Variants in IPCEF1 observed in about 807,000 individuals in gnomAD.
The protein encoded by IPCEF1 is interactor protein for cytohesin exchange factors 1.
A neutral mutation model predicts 50.9 loss-of-function variants in IPCEF1; 31 were observed. That is an observed-to-expected ratio of 0.61 (90% confidence interval 0.46 to 0.82). The LOEUF is 0.82. IPCEF1 is among the 40% of genes least tolerant of loss of function. The probability of loss-of-function intolerance (pLI) is 0.00; values close to 1 mark genes in which losing one functional copy is unlikely to be tolerated. For synonymous variants in IPCEF1, 181 were observed against 192.0 expected, an observed-to-expected ratio of 0.94 and a Z score of 0.47; for missense variants, 458 against 514.0, an observed-to-expected ratio of 0.89 and a Z score of 1.05.
At chr6:154,254,711 T>C (rs1045075165) in intron 3 of IPCEF1, among the ~76,000 whole-genome samples, 1 of 152,252 alleles carries the variant, frequency 6.6e-6, no homozygotes, top group African/African-American at 2.4e-5. Flanking sequence ...TCCATCCTTT[T>C]ATTTTCAAAC....
intron 10 of IPCEF1, among the ~76,000 whole-genome samples, chr6:154,183,585 T>C (rs544368073): frequency 5.1e-4 from 78 of 152,308 alleles, no homozygotes; most frequent in African/African-American, 1.7e-3. Flanking sequence ...ATGTTCTAAC[T>C]ACCATACTGA....
chr6:154,335,528 A>G (rs1207753120), intron 1 of IPCEF1, among the ~76,000 whole-genome samples: 2 of 152,158 alleles, frequency 1.3e-5, no homozygotes, highest in Non-Finnish European at 2.9e-5. Flanking sequence ...AAAACAAACA[A>G]CAGAGTGAAG....
chr6:154,296,976 TA>T (rs1424843829), intron 1 of IPCEF1, among the ~76,000 whole-genome samples: 1 of 152,140 alleles, frequency 6.6e-6, no homozygotes, highest in Non-Finnish European at 1.5e-5. Context: ...AAATGTGCGA[TA>T]TAAGATGACG....
At position 154,157,357 on chromosome 6, in the gene IPCEF1, AT is replaced by A. The variant is rs1394179900; in HGVS notation, c.*2470del. 1.3e-5 allele frequency: 2 copies of A among 152,312 alleles called. No homozygotes were observed. The highest frequency in any genetic ancestry group is 1.3e-4 in the Admixed American group (2 of 15,290). 9.4% of individuals were successfully genotyped at this position (152,312 alleles called of 1,614,324 possible). ...GGGGAAAAACACGAATGAGCAGGCA[AT>A]GGGGCTCCAGAAAGCCAGGTGCAAA... On this transcript the variant is annotated 3_prime_UTR_variant, in exon 12 of 12. Transcript: ENST00000367220.
intron 3 of IPCEF1, among the ~76,000 whole-genome samples, chr6:154,251,552 G>A (rs1781336299): frequency 6.6e-6 from 1 of 152,208 alleles, no homozygotes; most frequent in African/African-American, 2.4e-5. Flanking sequence ...CTTTACAGAA[G>A]TGGAAATTAA....
chr6:154,236,184 T>C (rs976243790), intron 5 of IPCEF1, among the ~76,000 whole-genome samples: 4 of 152,164 alleles, frequency 2.6e-5, no homozygotes, highest in African/African-American at 9.7e-5. Flanking sequence ...CAAAATGTGG[T>C]ACACACATCA....
intron 10 of IPCEF1, among the ~76,000 whole-genome samples, chr6:154,187,365 T>TC (rs1384026725): frequency 6.6e-6 from 1 of 152,218 alleles, no homozygotes; most frequent in African/African-American, 2.4e-5. Flanking sequence ...CCTACCAGTC[T>TC]CTCCCCTCAG....
chr6:154,275,041 C>A (rs1034241271), intron 2 of IPCEF1, among the ~76,000 whole-genome samples: 36 of 152,152 alleles, frequency 2.4e-4, no homozygotes, highest in African/African-American at 8.7e-4. Flanking sequence ...TCACCTACCC[C>A]TCAAAGACAC....
intron 2 of IPCEF1, among the ~76,000 whole-genome samples, chr6:154,282,423 C>T (rs890817617): frequency 6.6e-6 from 1 of 152,214 alleles, no homozygotes; most frequent in Non-Finnish European, 1.5e-5. Flanking sequence ...TGGCTCACGC[C>T]TGTAATCCCA....
chr6:154,182,215 T>G (rs1427238579), intron 10 of IPCEF1, among the ~76,000 whole-genome samples: 1 of 152,184 alleles, frequency 6.6e-6, no homozygotes, highest in Admixed American at 6.5e-5. Flanking sequence ...TTCCCTCATT[T>G]TCCTCTATTT....
chr6:154,301,847 T>G (rs1229362250), intron 1 of IPCEF1, among the ~76,000 whole-genome samples: 1 of 152,156 alleles, frequency 6.6e-6, no homozygotes, highest in Non-Finnish European at 1.5e-5. Context: ...TACCTTATAC[T>G]CTCAAAAGGT....
At chr6:154,313,796 T>G (rs1783145400) in intron 1 of IPCEF1, among the ~76,000 whole-genome samples, 1 of 152,068 alleles carries the variant, frequency 6.6e-6, no homozygotes, top group Admixed American at 6.6e-5. Context: ...CAGGCTGGAG[T>G]GCAGTGGCAT....
intron 5 of IPCEF1, among the ~76,000 whole-genome samples, chr6:154,232,656 C>T (rs1240241387): frequency 6.6e-6 from 1 of 152,078 alleles, no homozygotes; most frequent in East Asian, 1.9e-4. Flanking sequence ...GCAGTCAACA[C>T]ATGGCACAGA....
At position 154,330,526 on chromosome 6, in the gene IPCEF1, ATGTTGC is replaced by A. The variant is rs1783633962; in HGVS notation, c.-62+26140_-62+26145del. On this transcript the variant is annotated intron_variant, in intron 1 of 11. Transcript: ENST00000367220. ...TGATCGGTAGAGATAAGGTCTTACT[ATGTTGC>A]CCAGGCTGGTCTAAGTCCTGGGCTC... Among the ~76,000 whole-genome samples the A allele has an allele frequency of 2.0e-4, 30 of 151,712 alleles. 1 individual carries two copies. Among genetic ancestry groups the A allele is most frequent in the Admixed American group, 2.0e-3 (30 of 15,244 alleles).
chr6:154,291,680 GTT>G (rs34064925), intron 1 of IPCEF1, among the ~76,000 whole-genome samples: 9 of 104,458 alleles, frequency 8.6e-5, no homozygotes, highest in African/African-American at 2.0e-4. Context: ...CTCAGGAAAG[GTT>G]TTTTTTTTTT....
intron 3 of IPCEF1, among the ~76,000 whole-genome samples, chr6:154,248,340 G>GTGTGTGTGTGT (rs1562566051): frequency 8.9e-6 from 1 of 112,092 alleles, no homozygotes; most frequent in African/African-American, 3.3e-5. Flanking sequence ...TGTGTGTGTA[G>GTGTGTGTGTGT]AGAGAGAGAA....
At chr6:154,246,502 A>G in intron 5 of IPCEF1, 89 bp downstream of exon 5, 12 of 1,418,362 alleles carry the variant, frequency 8.5e-6, no homozygotes, top group Non-Finnish European at 1.1e-5. Context: ...CCCAGAAATC[A>G]AAATGAACTT....
rs571157386 is a variant in IPCEF1, at chr6:154,294,965, A to G, written c.-61-5209T>C. Among the ~76,000 whole-genome samples, 950 of 152,298 alleles carry G rather than the reference A, an allele frequency of 6.2e-3. 9 individuals carry two copies. The highest frequency in any genetic ancestry group is 7.4e-3 in the Non-Finnish European group (505 of 68,020). The stretch of plus-strand genomic sequence containing the variant: ...TGTAATCCCAGCACTTTGGGAGGCC[A>G]AGGCGGGCACATTATGAGGTCAGGA... On this transcript the variant is annotated intron_variant, in intron 1 of 11. Coordinates refer to ENST00000367220, the MANE Select transcript of IPCEF1 (RefSeq NM_001130700.2).
At chr6:154,265,501 A>G (rs938389391) in intron 3 of IPCEF1, among the ~76,000 whole-genome samples, 1 of 151,480 alleles carries the variant, frequency 6.6e-6, no homozygotes, top group African/African-American at 2.4e-5. Context: ...GGCTGGTCTC[A>G]ATCTCCTGAC....
Sources: gnomAD v4.1 joint callset for allele counts (sites outside exome capture counted in the v4.1 genomes callset) on GRCh38, gnomAD v4.1.1 for gene constraint, MANE v1.5 for transcripts, NCBI Gene and HGNC (gene_info 2026-07-23, HGNC 2026-07-21) for gene names.